Variants in ARHGEF4 observed in about 807,000 individuals in gnomAD.
ARHGEF4 encodes the protein Rho guanine nucleotide exchange factor 4, also known as APC-stimulated guanine nucleotide exchange factor 1.
Under a neutral mutation model 162.0 loss-of-function variants are expected in ARHGEF4, and 119 were observed. The ratio of observed to expected loss-of-function variants is 0.73; its 90% CI spans 0.63 to 0.86. The LOEUF is 0.86. Ranked by LOEUF, ARHGEF4 falls within the 40% of genes least tolerant of loss-of-function variation. The pLI, the probability that ARHGEF4 is intolerant of heterozygous loss-of-function variation, is 0.00. For missense variants in ARHGEF4, 2,488 were observed against 2,456.0 expected (o/e 1.01, Z -0.28); for synonymous variants, 1,014 against 979.9 (o/e 1.03, Z -0.65).
intron 1 of ARHGEF4, among the ~76,000 whole-genome samples, chr2:130,891,173 G>C (rs1343436110): frequency 6.6e-6 from 1 of 152,178 alleles, no homozygotes; most frequent in Non-Finnish European, 1.5e-5. Context: ...GAGGGCAGGG[G>C]CTGTCTCTGA....
chr2:130,937,488 G>A lies in ARHGEF4; in HGVS notation c.3858+6231G>A, dbSNP rs562775502. On this transcript the variant is annotated intron_variant, in intron 3 of 13. Coordinates refer to ENST00000409359, the MANE Select transcript of ARHGEF4 (RefSeq NM_001367493.1). ...TCTCTTTATTGGTATTCCATTTGAT[G>A]AGACATCATTCTTTTGGTTCCTTTA... 2.6e-5 allele frequency among the ~76,000 whole-genome samples: 4 copies of A among 151,974 alleles called. 1 individual carries two copies. The highest frequency in any genetic ancestry group is 2.1e-4 in the South Asian group (1 of 4,808).
At chr2:130,853,133 G>T (rs949907014) in intron 1 of ARHGEF4, among the ~76,000 whole-genome samples, 73 of 152,332 alleles carry the variant, frequency 4.8e-4, no homozygotes, top group African/African-American at 1.7e-3. Context: ...ATGGCACCAT[G>T]AGGGACCCCG....
intron 3 of ARHGEF4, among the ~76,000 whole-genome samples, chr2:130,938,599 A>G (rs1323446178): frequency 2.0e-5 from 3 of 152,160 alleles, no homozygotes; most frequent in Non-Finnish European, 4.4e-5. Flanking sequence ...GACAGAGTGT[A>G]TATGTGTCTG....
chr2:130,996,121 C>G (rs778364369), intron 4 of ARHGEF4, among the ~76,000 whole-genome samples: 28 of 152,258 alleles, frequency 1.8e-4, no homozygotes, highest in Non-Finnish European at 2.9e-4. Flanking sequence ...AACCCCTGAC[C>G]TCATGATCCA....
At chr2:131,038,537 T>C (rs950977017) in intron 5 of ARHGEF4, among the ~76,000 whole-genome samples, 32 of 151,808 alleles carry the variant, frequency 2.1e-4, no homozygotes, top group Non-Finnish European at 4.6e-4. Context: ...AGCCCCTCCC[T>C]CCTGCAGCCT....
At chr2:130,936,891 T>C (rs1410829744) in intron 3 of ARHGEF4, among the ~76,000 whole-genome samples, 1 of 136,216 alleles carries the variant, frequency 7.3e-6, no homozygotes, top group African/African-American at 2.7e-5. Flanking sequence ...TTCTTTCTTT[T>C]TTTTTTCTTT....
intron 2 of ARHGEF4, among the ~76,000 whole-genome samples, chr2:130,929,006 A>G (rs1682469485): frequency 6.6e-6 from 1 of 152,264 alleles, no homozygotes; most frequent in Non-Finnish European, 1.5e-5. Context: ...CCATTCCCTC[A>G]GGGCTCAGAA....
At chr2:130,976,897 G>A (rs1033942637) in intron 4 of ARHGEF4, among the ~76,000 whole-genome samples, 3 of 151,922 alleles carry the variant, frequency 2.0e-5, no homozygotes, top group Admixed American at 1.3e-4. Flanking sequence ...TGTGTGGTAT[G>A]CATTAGTGTG....
chr2:130,844,418 AC>A (rs1318250412), intron 1 of ARHGEF4, among the ~76,000 whole-genome samples: 2 of 152,022 alleles, frequency 1.3e-5, no homozygotes, highest in South Asian at 2.1e-4. Flanking sequence ...CCAGATGCAA[AC>A]CCCGGCAGTA....
intron 4 of ARHGEF4, among the ~76,000 whole-genome samples, chr2:131,004,415 T>G (rs1333942638): frequency 6.6e-6 from 1 of 152,214 alleles, no homozygotes; most frequent in East Asian, 1.9e-4. Context: ...TCCCCCTGCC[T>G]TGGCCTCCCA....
chr2:130,849,724 C>A (rs947831928), intron 1 of ARHGEF4, among the ~76,000 whole-genome samples: 1 of 152,076 alleles, frequency 6.6e-6, no homozygotes, highest in South Asian at 2.1e-4. Flanking sequence ...CACACCACCA[C>A]GTCCAGCTAA....
intron 4 of ARHGEF4, among the ~76,000 whole-genome samples, chr2:130,992,745 A>G (rs1356300138): frequency 6.6e-6 from 1 of 152,210 alleles, no homozygotes; most frequent in Non-Finnish European, 1.5e-5. Flanking sequence ...TTAAAGTATT[A>G]AGGATTATTT....
At chr2:131,008,369 T>C (rs1688257803) in intron 4 of ARHGEF4, among the ~76,000 whole-genome samples, 1 of 152,192 alleles carries the variant, frequency 6.6e-6, no homozygotes, top group Non-Finnish European at 1.5e-5. Flanking sequence ...TGAAGTATAA[T>C]ACACATGCAT....
At chr2:131,043,793 G>C (rs1459826802) in intron 11 of ARHGEF4, 1 of 618,328 alleles carries the variant, frequency 1.6e-6, no homozygotes, top group Non-Finnish European at 2.8e-6. Context: ...GACCAGGCCG[G>C]GTGCTGTTGA....
chr2:130,898,836 AG>A (rs1190100098), intron 1 of ARHGEF4, among the ~76,000 whole-genome samples: 1 of 152,118 alleles, frequency 6.6e-6, no homozygotes, highest in Non-Finnish European at 1.5e-5. Context: ...AGCCAGTGAC[AG>A]ACAGATTGTA....
At chr2:130,874,821 C>T (rs181914325) in intron 1 of ARHGEF4, among the ~76,000 whole-genome samples, 1 of 152,302 alleles carries the variant, frequency 6.6e-6, no homozygotes, top group Admixed American at 6.5e-5. Context: ...ATCTGCGGTC[C>T]ATTTCTATAA....
At chr2:130,964,277 A>T in intron 4 of ARHGEF4, 1 of 985,370 alleles carries the variant, frequency 1.0e-6, no homozygotes, top group Non-Finnish European at 1.2e-6. Flanking sequence ...CCCGCGCCGC[A>T]CGCGCCCTCC....
At chr2:130,874,562 T>A (rs1250961643) in intron 1 of ARHGEF4, among the ~76,000 whole-genome samples, 1 of 152,238 alleles carries the variant, frequency 6.6e-6, no homozygotes, top group Non-Finnish European at 1.5e-5. Context: ...ACTGCTTTCA[T>A]AATTAAGTTA....
intron 4 of ARHGEF4, among the ~76,000 whole-genome samples, chr2:130,988,314 G>A (rs936977706): frequency 1.3e-5 from 2 of 152,212 alleles, no homozygotes; most frequent in African/African-American, 2.4e-5. Flanking sequence ...TCCAAGCCAC[G>A]TGTGAGCAGG....
Sources: allele counts gnomAD v4.1 joint callset (sites outside exome capture counted in the v4.1 genomes callset), GRCh38; gene constraint gnomAD v4.1.1; transcripts MANE v1.5; gene names NCBI Gene and HGNC (gene_info 2026-07-23, HGNC 2026-07-21).